The following CLSTN2 variants were observed in gnomAD, a reference collection of about 807,000 sequenced individuals.
CLSTN2 encodes calsyntenin-2.
CLSTN2 carries 48 observed loss-of-function variants against 101.2 expected under a neutral mutation model. The ratio of observed to expected loss-of-function variants is 0.47; its 90% confidence interval spans 0.38 to 0.60. The LOEUF is 0.60. CLSTN2 is among the 20% of genes least tolerant of loss of function. CLSTN2 has a pLI of 0.00. For missense variants in CLSTN2, 1,160 were observed against 1,238.2 expected, an observed-to-expected ratio of 0.94 and a Z score of 0.95; for synonymous variants, 481 against 463.6, an observed-to-expected ratio of 1.04 and a Z score of -0.48.
chr3:140,443,942 C>T (rs1448829042), intron 5 of CLSTN2, among the ~76,000 whole-genome samples: 4 of 152,238 alleles, frequency 2.6e-5, no homozygotes, highest in African/African-American at 9.6e-5. Context: ...TTTCTGCAGT[C>T]TTCAGTGTCA....
chr3:140,042,813 G>T (rs1191751805), intron 1 of CLSTN2, among the ~76,000 whole-genome samples: 1 of 152,150 alleles, frequency 6.6e-6, no homozygotes, highest in Admixed American at 6.5e-5. Flanking sequence ...TGAGAATGAT[G>T]GTTTGCAGCT....
chr3:140,393,142 A>G (rs1325246482), intron 2 of CLSTN2, among the ~76,000 whole-genome samples: 1 of 152,184 alleles, frequency 6.6e-6, no homozygotes, highest in Non-Finnish European at 1.5e-5. Context: ...TTAAATTTCA[A>G]CATGAATTTT....
chr3:140,364,600 T>C (rs1027739381), intron 2 of CLSTN2, among the ~76,000 whole-genome samples: 1 of 151,978 alleles, frequency 6.6e-6, no homozygotes, highest in African/African-American at 2.4e-5. Context: ...GTGAGCAGCT[T>C]ACAATAGCAG....
intron 2 of CLSTN2, among the ~76,000 whole-genome samples, chr3:140,236,824 A>AGTGTGTGT (rs548988567): frequency 0.018 from 2,318 of 125,686 alleles, 24 homozygotes; most frequent in Middle Eastern, 0.037. Flanking sequence ...TATGTTATAT[A>AGTGTGTGT]GTGTGTGTGT....
chr3:140,211,461 A>G (rs190115158), intron 2 of CLSTN2, among the ~76,000 whole-genome samples: 2 of 144,426 alleles, frequency 1.4e-5, no homozygotes, highest in East Asian at 2.1e-4. Context: ...AAAAATCACT[A>G]ACATTCTGTC....
intron 2 of CLSTN2, among the ~76,000 whole-genome samples, chr3:140,338,297 G>C (rs1206692530): frequency 6.6e-6 from 1 of 152,156 alleles, no homozygotes; most frequent in Non-Finnish European, 1.5e-5. Context: ...ACTGCAGCCA[G>C]TGAAATCTAT....
At chr3:139,953,356 C>T (rs73224952) in intron 1 of CLSTN2, among the ~76,000 whole-genome samples, 17,416 of 152,120 alleles carry the variant, frequency 0.11, 1,054 homozygotes, top group East Asian at 0.15. Context: ...CCCTGTGACA[C>T]GCAATTTACT....
intron 2 of CLSTN2, among the ~76,000 whole-genome samples, chr3:140,199,128 C>T (rs2010686031): frequency 6.6e-6 from 1 of 152,174 alleles, no homozygotes; most frequent in Non-Finnish European, 1.5e-5. Flanking sequence ...AGTCTAGTCT[C>T]GGGCCTATCT....
At chr3:140,058,439 T>C (rs2008138232) in intron 1 of CLSTN2, among the ~76,000 whole-genome samples, 1 of 152,132 alleles carries the variant, frequency 6.6e-6, no homozygotes, top group Admixed American at 6.5e-5. Flanking sequence ...GACAGATGCA[T>C]TGTATGTTAA....
intron 1 of CLSTN2, among the ~76,000 whole-genome samples, chr3:140,002,968 G>A (rs1413362081): frequency 6.8e-6 from 1 of 147,680 alleles, no homozygotes; most frequent in African/African-American, 2.5e-5. Context: ...TACTATAGCT[G>A]TGTAGTATAA....
At chr3:140,175,818 C>G (rs1030550800) in intron 1 of CLSTN2, 133 bp from the exon 2 acceptor site, 1 of 887,592 alleles carries the variant, frequency 1.1e-6, no homozygotes, top group Non-Finnish European at 1.7e-6. Flanking sequence ...ATGGGATTAA[C>G]ATGTTCCATG....
intron 1 of CLSTN2, among the ~76,000 whole-genome samples, chr3:140,026,863 G>A (rs535997703): frequency 1.1e-4 from 16 of 152,268 alleles, no homozygotes; most frequent in Admixed American, 7.2e-4. Flanking sequence ...TGTTCCTGGG[G>A]TGGTCACTTT....
chr3:139,951,917 T>C (rs1935301979), intron 1 of CLSTN2, among the ~76,000 whole-genome samples: 1 of 152,190 alleles, frequency 6.6e-6, no homozygotes, highest in Non-Finnish European at 1.5e-5. Context: ...TCGTGGATAA[T>C]TTATAGAGGT....
At chr3:140,290,178 C>T (rs6773144) in intron 2 of CLSTN2, among the ~76,000 whole-genome samples, 6,646 of 152,044 alleles carry the variant, frequency 0.044, 328 homozygotes, top group African/African-American at 0.11. Context: ...ACACCCATTT[C>T]GATGAAGTGT....
rs766010133 is a variant in CLSTN2 at position 140,448,534 on chromosome 3, T to C, written c.803T>C (p.Ile268Thr). 1.2e-6 allele frequency: 2 copies of C among 1,613,962 alleles called. No homozygotes were observed. Among genetic ancestry groups the C allele is most frequent in the Non-Finnish European group, 1.7e-6 (2 of 1,179,900 alleles). The change falls in exon 6 of 17, where the codon ATT (isoleucine) becomes ACT (threonine). Residue 268 changes from isoleucine (I) to threonine (T), a missense_variant. By Grantham distance (89) the Ile-to-Thr change is moderately conservative (BLOSUM62 -1). Transcript: ENST00000458420. ...KPGWQDWTKRIEYQPGSGSMP... is the reference protein window; with the variant it reads ...KPGWQDWTKRTEYQPGSGSMP... ...GTTTGTTTAGACTGGACCAAGAGGA[T>C]TGAGTACCAGCCTGGCTCCGGGAGC...
At chr3:140,355,274 T>G (rs1324117005) in intron 2 of CLSTN2, among the ~76,000 whole-genome samples, 1 of 152,220 alleles carries the variant, frequency 6.6e-6, no homozygotes, top group Non-Finnish European at 1.5e-5. Flanking sequence ...CCACTGGTAG[T>G]TGAAGTTGGA....
intron 2 of CLSTN2, among the ~76,000 whole-genome samples, chr3:140,340,500 T>G (rs2087482007): frequency 6.6e-6 from 1 of 152,246 alleles, no homozygotes; most frequent in African/African-American, 2.4e-5. Flanking sequence ...GACACAATTA[T>G]GAATGATTTT....
intron 1 of CLSTN2, among the ~76,000 whole-genome samples, chr3:140,122,234 C>G (rs34413884): frequency 6.6e-6 from 1 of 151,954 alleles, no homozygotes; most frequent in East Asian, 1.9e-4. Context: ...CAGAAGACAC[C>G]TATCCCCACT....
At chr3:140,148,608 C>T (rs548957674) in intron 1 of CLSTN2, among the ~76,000 whole-genome samples, 25 of 152,274 alleles carry the variant, frequency 1.6e-4, no homozygotes, top group Middle Eastern at 3.4e-3. Flanking sequence ...TGTTTAGTGC[C>T]AAACTCCTAA....
Sources: gnomAD v4.1 joint callset for allele counts (sites outside exome capture counted in the v4.1 genomes callset) on GRCh38, gnomAD v4.1.1 for gene constraint, MANE v1.5 for transcripts, NCBI Gene and HGNC (gene_info 2026-07-23, HGNC 2026-07-21) for gene names.